MRPL19: variants seen among roughly 807,000 people sequenced by gnomAD.
The protein encoded by MRPL19 is mitochondrial ribosomal protein L19, also known as large ribosomal subunit protein bL19m.
In MRPL19, 31 loss-of-function variants were observed where a neutral mutation model predicts 34.0. The observed-to-expected ratio is 0.91, with a 90% CI of 0.68 to 1.23. The LOEUF (loss-of-function observed/expected upper bound fraction) is 1.23. MRPL19 is among the 50% of genes most tolerant of loss of function. The pLI is 0.00. For missense variants in MRPL19, 384 were observed against 367.6 expected (o/e 1.04, Z -0.37); for synonymous variants, 152 against 127.7 (o/e 1.19, Z -1.28).
In MRPL19 at chr2:75,656,262, A is replaced by C. The variant is rs2104138729; in HGVS notation, c.*977A>C. The C allele has an allele frequency of 6.6e-6, 1 of 152,302 alleles. No homozygotes were observed. The highest frequency in any genetic ancestry group is 6.5e-5 in the Admixed American group (1 of 15,282). 9.4% of individuals were successfully genotyped at this position (152,302 alleles called of 1,614,324 possible). On this transcript the variant is annotated 3_prime_UTR_variant, in exon 6 of 6. Coordinates refer to ENST00000393909, the MANE Select transcript of MRPL19 (RefSeq NM_014763.4). ...AGCATGGATTGGAAAGCTGGGGTAT[A>C]AGCACACATGCTAAAGAAAAACATG...
At chr2:75,647,329 A>T (rs2104121374) in intron 2 of MRPL19, 110 bp downstream of exon 2, 2 of 1,000,636 alleles carry the variant, frequency 2.0e-6, no homozygotes, top group Non-Finnish European at 2.9e-6. Context: ...CCCCTGCACG[A>T]GCAGGTGTGT....
rs1324428719 is a variant in MRPL19, at chr2:75,655,113, C to G, written c.707C>G (p.Pro236Arg). 4 of 1,608,510 alleles carry G rather than the reference C, an allele frequency of 2.5e-6. No individual in the cohort carries two copies. The South Asian group carries it at 4.4e-5, about 18-fold the overall frequency. ...PKPWSKRWER[P>R]NFNIKGIRFD... is the part of the protein sequence containing the mutation. ...CCCTGGTCTAAACGCTGGGAACGTCCAAATTTTAATATTAAAGGAATCAGA... is the reference window on the plus strand; with the variant it reads ...CCCTGGTCTAAACGCTGGGAACGTCGAAATTTTAATATTAAAGGAATCAGA... Residue 236 changes from proline (P) to arginine (R), a missense_variant, in exon 6 of 6, where the codon CCA becomes CGA. Transcript: ENST00000393909.
chr2:75,651,220 C>T, intron 2 of MRPL19: 1 of 422,792 alleles, frequency 2.4e-6, no homozygotes, highest in Admixed American at 2.7e-5. Flanking sequence ...AATCCACCAA[C>T]CCAAATCCCT....
chr2:75,647,173 A>T lies in MRPL19; in HGVS notation c.175A>T (p.Lys59Ter). 1.3e-6 allele frequency: 2 copies of T among 1,580,644 alleles called. No homozygotes were observed. Among genetic ancestry groups the T allele is most frequent in the Non-Finnish European group, 1.7e-6 (2 of 1,162,840 alleles). The stretch of plus-strand genomic sequence containing the variant: ...GCCCGGTGCGTTCCAACCGCCGCCG[A>T]AACCGGTCATCGTGGACAAGCACCG... ...SEPGAFQPPP[K>*]PVIVDKHRPV... Residue 59 changes from lysine to a stop codon, truncating the protein, a stop_gained, in exon 2 of 6, where the codon AAA becomes TAA. Transcript: ENST00000393909. LOFTEE classifies it high-confidence loss of function.
rs1174746884 is a variant in MRPL19, at chr2:75,659,260, C to G, written c.*3975C>G. Among the ~76,000 whole-genome samples, 3 of 152,100 alleles carry G rather than the reference C, an allele frequency of 2.0e-5. No individual in the cohort carries two copies. The highest frequency in any genetic ancestry group is 7.2e-5 in the African/African-American group (3 of 41,416). On this transcript the variant is annotated 3_prime_UTR_variant, in exon 6 of 6. Coordinates refer to ENST00000393909, the MANE Select transcript of MRPL19 (RefSeq NM_014763.4). ...ATTTAAACTGATACCAATTTACCTT[C>G]AATAGCATACAAAATCTCTACTCCT...
chr2:75,648,792 A>C (rs7597241), intron 2 of MRPL19, among the ~76,000 whole-genome samples: 117,548 of 152,090 alleles, frequency 0.77, 46,271 homozygotes, highest in African/African-American at 0.93. Flanking sequence ...TTGCTTGAAC[A>C]CAGGATGCCG....
In MRPL19 at chr2:75,655,351, A is replaced by G; in HGVS notation, c.*66A>G. 1 of 1,157,590 alleles carries G rather than the reference A, an allele frequency of 8.6e-7. No homozygotes were observed. Among genetic ancestry groups the G allele is most frequent in the Non-Finnish European group, 1.2e-6 (1 of 803,546 alleles). 71.7% of individuals were successfully genotyped at this position (1,157,590 alleles called of 1,614,324 possible). A position where few individuals can be genotyped will look rare whatever the true frequency, so the allele number is the denominator to read the frequency against. ...CTCTAAGAGGATATATTTTGAGACCAATTTAATTTCATTTATAAGAACATA... is the reference window on the plus strand; with the variant it reads ...CTCTAAGAGGATATATTTTGAGACCGATTTAATTTCATTTATAAGAACATA... On this transcript the variant is annotated 3_prime_UTR_variant, in exon 6 of 6. Transcript: ENST00000393909.
rs1678429383 is a variant in MRPL19 at position 75,655,505 on chromosome 2, G to T, written c.*220G>T. Reference sequence around the variant, plus strand: ...ATGGACCAATGTCCATTTGCTTATTGGAGGCAAAGCTACAATAGAAGTCAG... The same window carrying T: ...ATGGACCAATGTCCATTTGCTTATTTGAGGCAAAGCTACAATAGAAGTCAG... On this transcript the variant is annotated 3_prime_UTR_variant, in exon 6 of 6. Transcript: ENST00000393909. The T allele has an allele frequency of 4.8e-6, 2 of 416,782 alleles. No homozygotes were observed. Among genetic ancestry groups the T allele is most frequent in the Non-Finnish European group, 8.5e-6 (2 of 235,928 alleles). 25.8% of individuals were successfully genotyped at this position (416,782 alleles called of 1,614,324 possible).
In MRPL19 at chr2:75,659,456, T is replaced by G. The variant is rs1678550546; in HGVS notation, c.*4171T>G. Among the ~76,000 whole-genome samples the G allele has an allele frequency of 6.6e-6, 1 of 152,138 alleles. No individual in the cohort carries two copies. The highest frequency in any genetic ancestry group is 2.4e-5 in the African/African-American group (1 of 41,438). On this transcript the variant is annotated 3_prime_UTR_variant, in exon 6 of 6. Transcript: ENST00000393909. Reference sequence around the variant, plus strand: ...TTTTATATTTGTCAATATATTTATCTTATTTTGGATCCTTATTTCATTATA... The same window carrying G: ...TTTTATATTTGTCAATATATTTATCGTATTTTGGATCCTTATTTCATTATA...
intron 2 of MRPL19, among the ~76,000 whole-genome samples, chr2:75,648,741 T>G (rs1488023100): frequency 6.7e-6 from 1 of 150,028 alleles, no homozygotes; most frequent in Non-Finnish European, 1.5e-5. Context: ...TGGTGGCATG[T>G]GCCTATAATC....
intron 2 of MRPL19, 46 bp from the exon 3 acceptor site, chr2:75,652,096 C>T: frequency 8.8e-7 from 1 of 1,141,724 alleles, no homozygotes; most frequent in South Asian, 1.7e-5. Context: ...TTTCTTCTAG[C>T]AGCCTTTTGA....
intron 2 of MRPL19, among the ~76,000 whole-genome samples, chr2:75,650,160 T>A (rs953398413): frequency 2.0e-5 from 3 of 152,088 alleles, no homozygotes; most frequent in Non-Finnish European, 2.9e-5. Context: ...CACAGGGGCT[T>A]CCACAATATT....
rs1678537659 is a variant in MRPL19, at chr2:75,659,075, T to C, written c.*3790T>C. Among the ~76,000 whole-genome samples, 1 of 152,084 alleles carries C rather than the reference T, an allele frequency of 6.6e-6. No homozygotes were observed. The highest frequency in any genetic ancestry group is 6.6e-5 in the Admixed American group (1 of 15,266). On this transcript the variant is annotated 3_prime_UTR_variant, in exon 6 of 6. Coordinates refer to ENST00000393909, the MANE Select transcript of MRPL19 (RefSeq NM_014763.4). ...AACACTTCTTCTATATGTCATATACTTTTTTGGCCCCTCATTTCCTCTTTA... is the reference window on the plus strand; with the variant it reads ...AACACTTCTTCTATATGTCATATACCTTTTTGGCCCCTCATTTCCTCTTTA...
chr2:75,654,872 G>A lies in MRPL19; in HGVS notation c.612G>A (p.Met204Ile). The A allele has an allele frequency of 1.2e-6, 2 of 1,613,744 alleles. No homozygotes were observed. Among genetic ancestry groups the A allele is most frequent in the Non-Finnish European group, 8.5e-7 (1 of 1,179,858 alleles). The change falls in exon 5 of 6, where the codon ATG becomes ATA. Residue 204 changes from methionine (M) to isoleucine (I), a missense_variant. Physicochemically the swap from Met to Ile is conservative, Grantham distance 10. Coordinates refer to ENST00000393909, the MANE Select transcript of MRPL19 (RefSeq NM_014763.4). Reference protein sequence around the residue: ...LPEYSTFDVNMKPVVQEPNQK... With the variant: ...LPEYSTFDVNIKPVVQEPNQK... ...AATATAGCACTTTTGATGTGAATATGAAGCCAGTAGTACAAGAGCCTAACC... is the reference window on the plus strand; with the variant it reads ...AATATAGCACTTTTGATGTGAATATAAAGCCAGTAGTACAAGAGCCTAACC...
chr2:75,653,167 A>G (rs1477507627), intron 4 of MRPL19, among the ~76,000 whole-genome samples: 1 of 152,228 alleles, frequency 6.6e-6, no homozygotes, highest in Non-Finnish European at 1.5e-5. Flanking sequence ...CAAGGAGTAA[A>G]ACTCTAGCAA....
intron 5 of MRPL19, 22 bp from the exon 6 acceptor site, chr2:75,655,030 CTTTTTTTTTTTT>C: frequency 9.4e-7 from 1 of 1,060,700 alleles, no homozygotes; most frequent in East Asian, 3.1e-5. Flanking sequence ...CTAATTATTG[CTTTTTTTTTTTT>C]TTTTTTTTTA....
In MRPL19 at chr2:75,660,728, C is replaced by T. The variant is rs1049452083; in HGVS notation, c.*5443C>T. Reference sequence around the variant, plus strand: ...CTTTGTAGATTGGTTCTGTGCTGGGCTTTTCCATTAATACTTAGCCAGGCT... The same window carrying T: ...CTTTGTAGATTGGTTCTGTGCTGGGTTTTTCCATTAATACTTAGCCAGGCT... On this transcript the variant is annotated 3_prime_UTR_variant, in exon 6 of 6. Transcript: ENST00000393909. The T allele has an allele frequency of 1.3e-5, 2 of 152,148 alleles. No individual in the cohort carries two copies. The highest frequency in any genetic ancestry group is 1.3e-4 in the Admixed American group (2 of 15,268). The allele number at this position is 152,148 out of a possible 1,614,324, so 9.4% of individuals were successfully genotyped here.
At chr2:75,649,995 A>T (rs1678299079) in intron 2 of MRPL19, among the ~76,000 whole-genome samples, 1 of 152,198 alleles carries the variant, frequency 6.6e-6, no homozygotes, top group South Asian at 2.1e-4. Flanking sequence ...GCAAAATTTT[A>T]GCAGTTGGTA....
chr2:75,651,272 G>A (rs547791188), intron 2 of MRPL19: 10 of 499,058 alleles, frequency 2.0e-5, no homozygotes, highest in Non-Finnish European at 3.6e-5. Context: ...AATGGTTCAG[G>A]GACACGATGT....
Sources: gnomAD v4.1 joint callset for allele counts (sites outside exome capture counted in the v4.1 genomes callset) on GRCh38, gnomAD v4.1.1 for gene constraint, MANE v1.5 for transcripts, NCBI Gene and HGNC (gene_info 2026-07-23, HGNC 2026-07-21) for gene names.